Variants in SNX29 observed in about 807,000 individuals in gnomAD.
SNX29 encodes sorting nexin-29.
In SNX29, 78 loss-of-function variants were observed where a neutral mutation model predicts 102.1. The observed-to-expected ratio is 0.76, with a 90% CI of 0.64 to 0.92. SNX29 has a LOEUF of 0.92. Among genes scored for constraint, SNX29 ranks in the 40% least tolerant of loss-of-function variants. The pLI, the probability that SNX29 is intolerant of heterozygous loss-of-function variation, is 0.00. For synonymous variants in SNX29, 580 were observed against 414.5 expected (o/e 1.40, Z -4.85); for missense variants, 1,280 against 1,061.7 (o/e 1.21, Z -2.86).
At chr16:12,338,159 G>A (rs547605704) in intron 15 of SNX29, among the ~76,000 whole-genome samples, 2 of 152,140 alleles carry the variant, frequency 1.3e-5, no homozygotes, top group Admixed American at 6.5e-5. Context: ...GGTGGGAGGC[G>A]GATCAATTGT....
chr16:12,019,729 C>T (rs1206130962), intron 3 of SNX29, among the ~76,000 whole-genome samples: 5 of 151,394 alleles, frequency 3.3e-5, no homozygotes, highest in African/African-American at 7.3e-5. Context: ...CTCTGCCTCC[C>T]GGGTTCAAGC....
At position 12,019,739 on chromosome 16, in the gene SNX29, C is replaced by T. The variant is rs549774191; in HGVS notation, c.123-7581C>T. Reference sequence around the variant, plus strand: ...CAAACCTCTGCCTCCCGGGTTCAAGCGATTCTCTTGGCTCAGCCTCCCAAG... The same window carrying T: ...CAAACCTCTGCCTCCCGGGTTCAAGTGATTCTCTTGGCTCAGCCTCCCAAG... On this transcript the variant is annotated intron_variant, in intron 3 of 20. Transcript: ENST00000566228. 3.3e-5 allele frequency among the ~76,000 whole-genome samples: 5 copies of T among 151,208 alleles called. No individual in the cohort carries two copies. The East Asian group carries it at 5.8e-4, about 18-fold the overall frequency.
Position 12,327,047 on chromosome 16 carries a change from G to A in SNX29, c.1783-29116G>A, listed in dbSNP as rs547184072. Among the ~76,000 whole-genome samples the A allele has an allele frequency of 1.9e-3, 293 of 152,260 alleles. 2 individuals are homozygous for A. The highest frequency in any genetic ancestry group is 6.7e-3 in the African/African-American group (278 of 41,542). Reference sequence around the variant, plus strand: ...GCTGCTGGGTTGCTCTGTGAGAATCGGAGGTGTCATCCTATAGGAACCACA... The same window carrying A: ...GCTGCTGGGTTGCTCTGTGAGAATCAGAGGTGTCATCCTATAGGAACCACA... On this transcript the variant is annotated intron_variant, in intron 15 of 20. Coordinates refer to ENST00000566228, the MANE Select transcript of SNX29 (RefSeq NM_032167.5).
chr16:12,373,430 C>T (rs1214654063), intron 16 of SNX29, among the ~76,000 whole-genome samples: 1 of 152,136 alleles, frequency 6.6e-6, no homozygotes, highest in Non-Finnish European at 1.5e-5. Flanking sequence ...CTATGCCTGG[C>T]CCATATCCTC....
intron 13 of SNX29, among the ~76,000 whole-genome samples, chr16:12,172,280 G>A (rs2076166329): frequency 6.6e-6 from 1 of 152,188 alleles, no homozygotes; most frequent in Admixed American, 6.5e-5. Flanking sequence ...AAAGAAGGGA[G>A]GAGGAAAGGG....
rs373229129 is a variant in SNX29, at chr16:12,052,091, G to C, written c.993G>C (p.Leu331Phe). Residue 331 changes from leucine to phenylalanine, a missense_variant, in exon 8 of 21, where the codon TTG becomes TTC. Leu to Phe is a conservative substitution (Grantham distance 22). Transcript: ENST00000566228. ...CATGGAAAATTGATTCCCTGTCTTT[G>C]AACGGGGAGTTTGGGTACCAGAAGC... ...SNSWKIDSLS[L>F]NGEFGYQKLD... 2 of 1,613,938 alleles carry C rather than the reference G, an allele frequency of 1.2e-6. No homozygotes were observed. Among genetic ancestry groups the C allele is most frequent in the Non-Finnish European group, 1.7e-6 (2 of 1,179,874 alleles).
intron 3 of SNX29, among the ~76,000 whole-genome samples, chr16:12,005,865 C>T (rs1042710336): frequency 2.5e-4 from 38 of 152,174 alleles, no homozygotes; most frequent in African/African-American, 8.9e-4. Context: ...CAGGAAAAAT[C>T]TGAAATCCGA....
chr16:12,155,055 C>T (rs1478944742), intron 13 of SNX29, among the ~76,000 whole-genome samples: 2 of 152,124 alleles, frequency 1.3e-5, no homozygotes, highest in Non-Finnish European at 2.9e-5. Context: ...TTCTGCCTCC[C>T]ACCCCCCTTG....
At chr16:12,527,201 G>A (rs1447770470) in intron 20 of SNX29, 1 of 533,530 alleles carries the variant, frequency 1.9e-6, no homozygotes, top group East Asian at 4.0e-5. Flanking sequence ...TGTACGGATT[G>A]TTTCATTTTG....
At chr16:11,997,085 A>T (rs953991719) in intron 1 of SNX29, among the ~76,000 whole-genome samples, 15 of 152,112 alleles carry the variant, frequency 9.9e-5, no homozygotes, top group Admixed American at 8.5e-4. Context: ...TTAGTATTCA[A>T]ATTTCAACAG....
intron 16 of SNX29, 97 bp downstream of exon 16, chr16:12,356,376 C>A: frequency 8.8e-7 from 1 of 1,132,138 alleles, no homozygotes. Context: ...ACCATGCATC[C>A]ACTGGCCAGA....
chr16:12,294,360 C>G (rs1337945433), intron 15 of SNX29, among the ~76,000 whole-genome samples: 1 of 152,184 alleles, frequency 6.6e-6, no homozygotes, highest in African/African-American at 2.4e-5. Flanking sequence ...CTCAGTGGAA[C>G]AGCCCTCAGC....
At chr16:12,522,399 CTCT>C (rs1342572445) in intron 19 of SNX29, among the ~76,000 whole-genome samples, 2 of 152,128 alleles carry the variant, frequency 1.3e-5, no homozygotes, top group Non-Finnish European at 2.9e-5. Flanking sequence ...GGGAACTCTT[CTCT>C]TCTTTTTATT....
Position 12,557,015 on chromosome 16 carries a change from A to ACACCCCCCCCCCCCCCCCCC in SNX29, c.2319-11490_2319-11489insACCCCCCCCCCCCCCCCCCC, listed in dbSNP as rs66825746. On this transcript the variant is annotated intron_variant, in intron 20 of 20. Transcript: ENST00000566228. ...GGTACACACCACATCTGGCTAATTT[A>ACACCCCCCCCCCCCCCCCCC]CCCCCCCCCCGCCCCAAGATGAGGT... 2.2e-4 allele frequency among the ~76,000 whole-genome samples: 7 copies of ACACCCCCCCCCCCCCCCCCC among 31,836 alleles called. 2 individuals are homozygous for ACACCCCCCCCCCCCCCCCCC. Among genetic ancestry groups the ACACCCCCCCCCCCCCCCCCC allele is most frequent in the East Asian group, 1.3e-3 (2 of 1,552 alleles). 20.9% of individuals were successfully genotyped at this position (31,836 alleles called of 152,430 possible).
chr16:12,199,464 A>G (rs150488290), intron 13 of SNX29, 137 bp from the exon 14 acceptor site: 88 of 663,334 alleles, frequency 1.3e-4, no homozygotes, highest in Middle Eastern at 1.1e-3. Context: ...TATCTAAACC[A>G]TGAGAATATA....
chr16:12,532,430 T>TA (rs2076957274), intron 20 of SNX29, among the ~76,000 whole-genome samples: 1 of 152,134 alleles, frequency 6.6e-6, no homozygotes, highest in African/African-American at 2.4e-5. Context: ...TGTCGTGTTT[T>TA]GTAAATCCTA....
At chr16:12,097,942 G>A (rs892090276) in intron 11 of SNX29, among the ~76,000 whole-genome samples, 1 of 152,242 alleles carries the variant, frequency 6.6e-6, no homozygotes, top group Non-Finnish European at 1.5e-5. Context: ...CTTCATTAAA[G>A]TTGGGGGAGC....
At chr16:12,282,284 G>A (rs1177708676) in intron 15 of SNX29, among the ~76,000 whole-genome samples, 1 of 152,112 alleles carries the variant, frequency 6.6e-6, no homozygotes, top group African/African-American at 2.4e-5. Context: ...ACTAGTAGTA[G>A]ATAACAGCAA....
intron 14 of SNX29, among the ~76,000 whole-genome samples, chr16:12,221,301 C>T (rs908154605): frequency 3.3e-5 from 5 of 152,062 alleles, no homozygotes; most frequent in East Asian, 1.9e-4. Flanking sequence ...ATCAGGCCCT[C>T]GTCTTGTTCC....
Sources: allele counts gnomAD v4.1 joint callset (sites outside exome capture counted in the v4.1 genomes callset), GRCh38; gene constraint gnomAD v4.1.1; transcripts MANE v1.5; gene names NCBI Gene and HGNC (gene_info 2026-07-23, HGNC 2026-07-21).